Variants in ECM2 observed in about 807,000 individuals in gnomAD.
The protein encoded by ECM2 is extracellular matrix protein 2, also known as extracellular matrix protein 2, female organ and adipocyte specific.
A neutral mutation model predicts 67.5 loss-of-function variants in ECM2; 57 were observed. The ratio of observed to expected loss-of-function variants is 0.84; its 90% CI spans 0.68 to 1.05. ECM2 has a LOEUF of 1.05. Ranked by LOEUF, ECM2 falls within the 50% of genes least tolerant of loss-of-function variation. ECM2 has a pLI of 0.00. For missense variants in ECM2, 741 were observed against 822.8 expected (o/e 0.90, Z 1.22); for synonymous variants, 258 against 294.5 (o/e 0.88, Z 1.27).
At chr9:92,540,167 G>A (rs994257925), upstream of ECM2, among the ~76,000 whole-genome samples, 5 of 152,172 alleles carry the variant, frequency 3.3e-5, no homozygotes, top group African/African-American at 1.2e-4. Context: ...AGCCGGGCGC[G>A]GTGCCTCATG....
At chr9:92,550,848 G>C in the ECM2 span, among the ~76,000 whole-genome samples, 1 of 152,098 alleles carries the variant, frequency 6.6e-6, no homozygotes, top group East Asian at 1.9e-4. Flanking sequence ...ACCAAAACAT[G>C]GTGGCTCAGG....
At chr9:92,516,672 C>T (rs1275776074) in intron 3 of ECM2, 1 of 152,158 alleles carries the variant, frequency 6.6e-6, no homozygotes. Context: ...TTCAAGAATA[C>T]TCCAAGTCTT....
In ECM2 at chr9:92,522,614, T is replaced by C; in HGVS notation, c.253A>G (p.Ser85Gly). The C allele has an allele frequency of 6.2e-7, 1 of 1,613,770 alleles. No homozygotes were observed. The highest frequency in any genetic ancestry group is 2.2e-5 in the East Asian group (1 of 44,832). Reference protein sequence around the residue: ...SMEEKFESFSSFPGVESSYNV... With the variant: ...SMEEKFESFSGFPGVESSYNV... The stretch of plus-strand genomic sequence containing the variant: ...TAACTTGATTCTACTCCAGGAAAAC[T>C]TGAAAAGGATTCAAACTTTTCCTCC... The change falls in exon 2 of 10, where the codon AGT becomes GGT. Residue 85 changes from serine to glycine, a missense_variant. Physicochemically the swap from Ser to Gly is moderately conservative, Grantham distance 56. Transcript: ENST00000344604.
intron 8 of ECM2, 138 bp downstream of exon 8, chr9:92,502,375 C>CT (rs1846731371): frequency 9.1e-7 from 1 of 1,093,522 alleles, no homozygotes; most frequent in African/African-American, 1.6e-5. Context: ...TAAGGGTTCA[C>CT]TAAGAAACGA....
downstream of ECM2, chr9:92,494,255 C>A: frequency 9.6e-7 from 1 of 1,040,822 alleles, no homozygotes; most frequent in Non-Finnish European, 1.4e-6. Context: ...AGTTTGAGCC[C>A]CCTTTAATAC....
chr9:92,517,815 G>A lies in ECM2; in HGVS notation c.353C>T (p.Pro118Leu). Residue 118 changes from proline to leucine, a missense_variant, in exon 3 of 10, where the codon CCT becomes CTT. Physicochemically the swap from Pro to Leu is moderately conservative, Grantham distance 98. Transcript: ENST00000344604. Reference sequence around the variant, plus strand: ...GCAGAGGCAGGTAGTGCAGGGCTCAGGCGACCACACAGCTTTGTTGTACAT... The same window carrying A: ...GCAGAGGCAGGTAGTGCAGGGCTCAAGCGACCACACAGCTTTGTTGTACAT... Reference protein sequence around the residue: ...ITMYNKAVWSPEPCTTCLCSD... With the variant: ...ITMYNKAVWSLEPCTTCLCSD... 6.2e-7 allele frequency: 1 copy of A among 1,614,170 alleles called. No homozygotes were observed. The highest frequency in any genetic ancestry group is 8.5e-7 in the Non-Finnish European group (1 of 1,180,042).
the ECM2 span, among the ~76,000 whole-genome samples, chr9:92,543,948 G>GAAAATTCT: frequency 6.6e-6 from 1 of 152,060 alleles, no homozygotes; most frequent in Admixed American, 6.6e-5. Flanking sequence ...GCAGTCTTTA[G>GAAAATTCT]AATTTTCTCT....
At chr9:92,551,444 C>A in the ECM2 span, among the ~76,000 whole-genome samples, 1 of 151,880 alleles carries the variant, frequency 6.6e-6, no homozygotes, top group Non-Finnish European at 1.5e-5. Context: ...CTCAAACAAT[C>A]CTCCCACCTT....
At chr9:92,500,378 T>TA (rs1846597244) in intron 9 of ECM2, among the ~76,000 whole-genome samples, 1 of 152,222 alleles carries the variant, frequency 6.6e-6, no homozygotes, top group Admixed American at 6.5e-5. Context: ...AAACGAGGTT[T>TA]CACCATGTTG....
At chr9:92,501,301 T>G (rs1846658038) in intron 8 of ECM2, among the ~76,000 whole-genome samples, 1 of 152,042 alleles carries the variant, frequency 6.6e-6, no homozygotes, top group African/African-American at 2.4e-5. Context: ...CATCAAAGAC[T>G]AGGAGGGAAA....
At position 92,517,577 on chromosome 9, in the gene ECM2, A is replaced by G. The variant is rs1588215841; in HGVS notation, c.481+110T>C. ...TCAGCATTTTGCCAATATTTTAAGT[A>G]CTCAGATCTGACTAATGTATCATAA... is the stretch of plus-strand genomic sequence containing the variant. On this transcript the variant is annotated intron_variant, in intron 3 of 9. Coordinates refer to ENST00000344604, the MANE Select transcript of ECM2 (RefSeq NM_001393.4). The G allele has an allele frequency of 2.1e-6, 3 of 1,433,838 alleles. No homozygotes were observed. In the East Asian group the frequency reaches 6.8e-5, roughly 33 times the overall value. The allele number at this position is 1,433,838 out of a possible 1,614,324, so 88.8% of individuals were successfully genotyped here.
intron 4 of ECM2, among the ~76,000 whole-genome samples, chr9:92,512,892 G>T (rs1283287152): frequency 6.6e-6 from 1 of 152,172 alleles, no homozygotes; most frequent in African/African-American, 2.4e-5. Flanking sequence ...AGCATACCTG[G>T]TGTATAGGCC....
chr9:92,536,100 TA>T, upstream of ECM2: 1 of 462,842 alleles, frequency 2.2e-6, no homozygotes, highest in Non-Finnish European at 4.2e-6. Flanking sequence ...CCCTTGGGGA[TA>T]AATGCCTTTC....
downstream of ECM2, chr9:92,493,891 T>C: frequency 7.3e-6 from 3 of 410,502 alleles, no homozygotes; most frequent in Non-Finnish European, 1.3e-5. Context: ...AGAAGCGACA[T>C]ACACAGCAAG....
chr9:92,502,674 A>G, intron 7 of ECM2, 22 bp from the exon 8 acceptor site: 1 of 1,516,882 alleles, frequency 6.6e-7, no homozygotes, highest in Non-Finnish European at 9.0e-7. Context: ...AGAGAAGACT[A>G]TTATTTTTCT....
rs577679346 is a variant in ECM2, at chr9:92,507,293, A to G, written c.1307-1603T>C. On this transcript the variant is annotated intron_variant, in intron 6 of 9. Coordinates refer to ENST00000344604, the MANE Select transcript of ECM2 (RefSeq NM_001393.4). ...CATATTCTCTTTCATTTCCAAAACT[A>G]AAGGTACTGAGAATCTGACATCTTT... Among the ~76,000 whole-genome samples, 19 of 152,366 alleles carry G rather than the reference A, an allele frequency of 1.2e-4. No homozygotes were observed. The South Asian group carries it at 2.3e-3, about 18-fold the overall frequency.
intron 6 of ECM2, among the ~76,000 whole-genome samples, chr9:92,508,945 TAAAAA>T (rs1847172985): frequency 6.6e-6 from 1 of 151,998 alleles, no homozygotes; most frequent in Admixed American, 6.5e-5. Context: ...ATTAGGAAGA[TAAAAA>T]GAAAAGGTAG....
At chr9:92,531,854 G>T (rs769600345) in intron 1 of ECM2, among the ~76,000 whole-genome samples, 2 of 151,974 alleles carry the variant, frequency 1.3e-5, no homozygotes, top group African/African-American at 2.4e-5. Context: ...CTGAAAGGAT[G>T]TATTTGTTAG....
At chr9:92,497,223 C>T (rs545145599) in intron 9 of ECM2, among the ~76,000 whole-genome samples, 16 of 152,218 alleles carry the variant, frequency 1.1e-4, no homozygotes, top group Middle Eastern at 3.4e-3. Context: ...TCTATCAATA[C>T]GGAACTGATT....
Sources: gnomAD v4.1 joint callset for allele counts (sites outside exome capture counted in the v4.1 genomes callset) on GRCh38, gnomAD v4.1.1 for gene constraint, MANE v1.5 for transcripts, NCBI Gene and HGNC (gene_info 2026-07-23, HGNC 2026-07-21) for gene names.